The following NFATC3 variants were observed in gnomAD, a reference collection of about 807,000 sequenced individuals.
NFATC3 encodes the protein nuclear factor of activated T-cells, cytoplasmic 3.
NFATC3 carries 46 observed loss-of-function variants against 98.6 expected under a neutral mutation model. That is an observed-to-expected ratio of 0.47 (90% CI 0.37 to 0.60). The LOEUF (loss-of-function observed/expected upper bound fraction) is 0.60. NFATC3 is among the 20% of genes least tolerant of loss of function. NFATC3 has a pLI of 0.00. For synonymous variants in NFATC3, 512 were observed against 472.2 expected, an observed-to-expected ratio of 1.08 and a Z score of -1.09; for missense variants, 1,256 against 1,295.5, an observed-to-expected ratio of 0.97 and a Z score of 0.47.
chr16:68,109,499 G>T (rs951765902), intron 1 of NFATC3, among the ~76,000 whole-genome samples: 5 of 152,084 alleles, frequency 3.3e-5, no homozygotes, highest in African/African-American at 1.2e-4. Context: ...AGGATTTTGG[G>T]ATCAATGTTC....
chr16:68,202,522 TAAAAC>T (rs2040967452), intron 9 of NFATC3, among the ~76,000 whole-genome samples: 1 of 152,072 alleles, frequency 6.6e-6, no homozygotes, highest in South Asian at 2.1e-4. Flanking sequence ...TTTATTAAAA[TAAAAC>T]AAGGCAAGGC....
chr16:68,218,514 C>CAAAAAAAAAAAAAA (rs1326968858), intron 9 of NFATC3, among the ~76,000 whole-genome samples: 7 of 59,426 alleles, frequency 1.2e-4, no homozygotes, highest in African/African-American at 3.7e-4. Flanking sequence ...GAGAGCCTCT[C>CAAAAAAAAAAAAAA]AAAAAAAAAA....
At chr16:68,141,348 G>A (rs1224964821) in intron 3 of NFATC3, among the ~76,000 whole-genome samples, 3 of 152,184 alleles carry the variant, frequency 2.0e-5, no homozygotes, top group South Asian at 2.1e-4. Context: ...GGATTGAATG[G>A]TAGATCTACT....
At chr16:68,116,258 A>G (rs999331447) in intron 1 of NFATC3, among the ~76,000 whole-genome samples, 8 of 152,102 alleles carry the variant, frequency 5.3e-5, no homozygotes, top group South Asian at 2.1e-4. Context: ...ACAAACTATT[A>G]TCTGTAGGCT....
chr16:68,119,901 T>C (rs1211586194), intron 1 of NFATC3, among the ~76,000 whole-genome samples: 1 of 152,150 alleles, frequency 6.6e-6, no homozygotes, highest in Non-Finnish European at 1.5e-5. Flanking sequence ...AGTTGAATCA[T>C]GTTGTTTCCA....
intron 1 of NFATC3, among the ~76,000 whole-genome samples, chr16:68,111,304 G>A (rs1212918874): frequency 2.0e-5 from 3 of 152,162 alleles, no homozygotes; most frequent in Admixed American, 2.0e-4. Flanking sequence ...AACTGAGTGT[G>A]CCTGTATTGG....
chr16:68,117,915 A>G (rs2036372751), intron 1 of NFATC3, among the ~76,000 whole-genome samples: 1 of 152,222 alleles, frequency 6.6e-6, no homozygotes, highest in Non-Finnish European at 1.5e-5. Flanking sequence ...GTTCTCATAT[A>G]TAATAGAAAT....
At chr16:68,089,109 G>C (rs2034562564) in intron 1 of NFATC3, 2 of 985,278 alleles carry the variant, frequency 2.0e-6, no homozygotes, top group African/African-American at 3.5e-5. Context: ...TTGGTAATTT[G>C]GGGCTGCAGT....
At position 68,210,297 on chromosome 16, in the gene NFATC3, C is replaced by T. The variant is rs74392465; in HGVS notation, c.3107-16053C>T. On this transcript the variant is annotated intron_variant, in intron 9 of 9. Transcript: ENST00000346183. ...TGGGCGACAGAGTGAGATTCCTTCT[C>T]AAAAAAAAAAAAAGAAAAAAAAAAA... Among the ~76,000 whole-genome samples the T allele has an allele frequency of 5.6e-5, 6 of 107,626 alleles. No homozygotes were observed. In the Admixed American group the frequency reaches 6.1e-4, roughly 11 times the overall value. 70.6% of individuals were successfully genotyped at this position (107,626 alleles called of 152,430 possible).
intron 3 of NFATC3, among the ~76,000 whole-genome samples, chr16:68,127,656 C>A (rs2036907063): frequency 6.7e-6 from 1 of 150,334 alleles, no homozygotes; most frequent in Non-Finnish European, 1.5e-5. Context: ...CCACTGCAGT[C>A]CAGCCTGGGG....
chr16:68,086,574 G>C, intron 1 of NFATC3: 1 of 895,572 alleles, frequency 1.1e-6, no homozygotes, highest in Non-Finnish European at 1.3e-6. Context: ...GGGACTTAGA[G>C]CTCTTTTGTG....
chr16:68,173,324 T>C (rs1182924736), intron 5 of NFATC3, among the ~76,000 whole-genome samples: 2 of 152,078 alleles, frequency 1.3e-5, no homozygotes, highest in Non-Finnish European at 2.9e-5. Flanking sequence ...CCCAGCACTT[T>C]GGGAGGCTGA....
intron 6 of NFATC3, among the ~76,000 whole-genome samples, chr16:68,178,786 G>C (rs1476832097): frequency 1.3e-5 from 2 of 152,156 alleles, no homozygotes; most frequent in African/African-American, 4.8e-5. Context: ...AGGTATTATT[G>C]AATTCATTTA....
intron 1 of NFATC3, among the ~76,000 whole-genome samples, chr16:68,106,701 C>T (rs956512569): frequency 4.0e-5 from 6 of 151,896 alleles, no homozygotes; most frequent in Non-Finnish European, 5.9e-5. Context: ...GCTGGGATTA[C>T]AGACGTGAGC....
chr16:68,160,111 T>G (rs554488883), intron 4 of NFATC3, among the ~76,000 whole-genome samples: 12 of 152,146 alleles, frequency 7.9e-5, no homozygotes, highest in Non-Finnish European at 1.3e-4. Flanking sequence ...TCTTGAGCTC[T>G]CTTCATTTAA....
At chr16:68,128,510 T>C (rs1016750291) in intron 3 of NFATC3, among the ~76,000 whole-genome samples, 1 of 152,154 alleles carries the variant, frequency 6.6e-6, no homozygotes, top group African/African-American at 2.4e-5. Context: ...AGTGTATAAA[T>C]GAACAAGTCT....
At chr16:68,163,947 G>A (rs2039049681) in intron 4 of NFATC3, among the ~76,000 whole-genome samples, 1 of 145,330 alleles carries the variant, frequency 6.9e-6, no homozygotes, top group Non-Finnish European at 1.5e-5. Flanking sequence ...GGCTCTTCAC[G>A]TCCCAGACGA....
intron 9 of NFATC3, among the ~76,000 whole-genome samples, chr16:68,205,754 T>C (rs966538413): frequency 1.3e-5 from 2 of 152,186 alleles, no homozygotes; most frequent in Non-Finnish European, 2.9e-5. Flanking sequence ...TAGTTTATAC[T>C]TTGCATTTCC....
At chr16:68,144,636 C>T (rs1259093131) in intron 3 of NFATC3, among the ~76,000 whole-genome samples, 5 of 151,948 alleles carry the variant, frequency 3.3e-5, no homozygotes, top group African/African-American at 9.7e-5. Flanking sequence ...TGAGCCACTG[C>T]GCCTAGCCTC....
Sources: gnomAD v4.1 joint callset for allele counts (sites outside exome capture counted in the v4.1 genomes callset) on GRCh38, gnomAD v4.1.1 for gene constraint, MANE v1.5 for transcripts, NCBI Gene and HGNC (gene_info 2026-07-23, HGNC 2026-07-21) for gene names.